RBFOX3: variants seen among roughly 807,000 people sequenced by gnomAD.
RBFOX3 encodes the protein RNA binding protein fox-1 homolog 3.
A neutral mutation model predicts 48.7 loss-of-function variants in RBFOX3; 17 were observed. The observed-to-expected ratio is 0.35, with a 90% CI of 0.24 to 0.52. The LOEUF is 0.52. Ranked by LOEUF, RBFOX3 falls within the 20% of genes least tolerant of loss-of-function variation. The pLI, the probability that RBFOX3 is intolerant of heterozygous loss-of-function variation, is 0.94. For missense variants in RBFOX3, 382 were observed against 497.5 expected (o/e 0.77, Z 2.21); for synonymous variants, 212 against 209.5 (o/e 1.01, Z -0.10).
intron 2 of RBFOX3, among the ~76,000 whole-genome samples, chr17:79,476,826 GAGAC>G (rs1393613884): frequency 2.6e-5 from 4 of 151,582 alleles, no homozygotes; most frequent in African/African-American, 9.7e-5. Flanking sequence ...GGGACAGAGA[GAGAC>G]AGACAGAGAC....
At chr17:79,592,288 ATTG>A (rs2093444951) in intron 1 of RBFOX3, among the ~76,000 whole-genome samples, 2 of 147,274 alleles carry the variant, frequency 1.4e-5, no homozygotes, top group South Asian at 2.1e-4. Context: ...GGTGTGGAAT[ATTG>A]TTGTGTGTGC....
intron 2 of RBFOX3, among the ~76,000 whole-genome samples, chr17:79,313,402 T>A (rs1411183992): frequency 2.6e-5 from 4 of 152,162 alleles, no homozygotes; most frequent in African/African-American, 9.7e-5. Context: ...CTTCACTCAC[T>A]CATTCATGTA....
At chr17:79,579,183 C>T (rs1278897482) in intron 1 of RBFOX3, among the ~76,000 whole-genome samples, 2 of 152,228 alleles carry the variant, frequency 1.3e-5, no homozygotes, top group Non-Finnish European at 2.9e-5. Flanking sequence ...TCTGGTCCTG[C>T]CCTGTGGGGA....
intron 1 of RBFOX3, among the ~76,000 whole-genome samples, chr17:79,507,829 C>G (rs2083397450): frequency 6.6e-6 from 1 of 152,230 alleles, no homozygotes; most frequent in South Asian, 2.1e-4. Context: ...TGAGGTTGCA[C>G]AGAGCAGGCC....
intron 2 of RBFOX3, among the ~76,000 whole-genome samples, chr17:79,353,467 A>T (rs549571200): frequency 4.1e-4 from 63 of 152,278 alleles, no homozygotes; most frequent in African/African-American, 1.5e-3. Flanking sequence ...GCAAAAAGAG[A>T]CTCATCTAAC....
intron 1 of RBFOX3, among the ~76,000 whole-genome samples, chr17:79,513,115 A>T (rs979213386): frequency 6.6e-6 from 1 of 151,384 alleles, no homozygotes; most frequent in East Asian, 1.9e-4. Context: ...ACCAGGGGAC[A>T]CACACCCAGA....
chr17:79,182,034 A>G (rs2052099813), intron 4 of RBFOX3, among the ~76,000 whole-genome samples: 1 of 151,064 alleles, frequency 6.6e-6, no homozygotes, highest in Non-Finnish European at 1.5e-5. Flanking sequence ...TTTCTCCTCC[A>G]ACGTGTGCAT....
chr17:79,097,978 T>C (rs1177325262), intron 9 of RBFOX3: 2 of 564,782 alleles, frequency 3.5e-6, no homozygotes, highest in African/African-American at 3.8e-5. Flanking sequence ...TCTTTCCCAA[T>C]TGTGATCCTC....
chr17:79,584,624 G>A (rs1385626898), intron 1 of RBFOX3, among the ~76,000 whole-genome samples: 2 of 152,158 alleles, frequency 1.3e-5, no homozygotes, highest in Non-Finnish European at 1.5e-5. Flanking sequence ...TCACAGCGAC[G>A]TGGATGGAAC....
chr17:79,514,371 G>T (rs897362398), intron 1 of RBFOX3, among the ~76,000 whole-genome samples: 3 of 152,178 alleles, frequency 2.0e-5, no homozygotes, highest in Non-Finnish European at 4.4e-5. Context: ...GCCCAGCACT[G>T]GTCCAAGCAG....
chr17:79,413,308 A>G (rs892167701), intron 2 of RBFOX3, among the ~76,000 whole-genome samples: 1 of 152,192 alleles, frequency 6.6e-6, no homozygotes, highest in Admixed American at 6.5e-5. Flanking sequence ...TTAGACTCCA[A>G]ATTATCCCAA....
At chr17:79,267,063 T>C (rs2066831325) in intron 3 of RBFOX3, among the ~76,000 whole-genome samples, 1 of 152,158 alleles carries the variant, frequency 6.6e-6, no homozygotes, top group South Asian at 2.1e-4. Context: ...GGAGCTGGCT[T>C]GGAAGTTAGG....
chr17:79,202,251 A>C (rs1381520557), intron 4 of RBFOX3, among the ~76,000 whole-genome samples: 2 of 152,084 alleles, frequency 1.3e-5, no homozygotes, highest in Non-Finnish European at 2.9e-5. Flanking sequence ...CCTCTTATCC[A>C]CAGCAAAACG....
At position 79,482,187 on chromosome 17, in the gene RBFOX3, C is replaced by T. The variant is rs1224486945; in HGVS notation, c.-175+267G>A. On this transcript the variant is annotated intron_variant, in intron 2 of 14. Transcript: ENST00000693108. This position sits in a 1 kb window ranked among gnomAD's most constrained non-coding sequence, Gnocchi z 4.1. ...CACCCCGCCCACCCTCCTTCCAGGA[C>T]TAACTGCCCCGCAGCCAGGCTGATG... Among the ~76,000 whole-genome samples the T allele has an allele frequency of 6.6e-6, 1 of 151,912 alleles. No homozygotes were observed. The highest frequency in any genetic ancestry group is 1.5e-5 in the Non-Finnish European group (1 of 67,974).
chr17:79,168,319 C>T (rs2048440938), intron 4 of RBFOX3, among the ~76,000 whole-genome samples: 1 of 152,264 alleles, frequency 6.6e-6, no homozygotes, highest in Non-Finnish European at 1.5e-5. Flanking sequence ...CCACCACCAA[C>T]TCATGAATAG....
intron 3 of RBFOX3, among the ~76,000 whole-genome samples, chr17:79,271,740 G>A (rs1485918198): frequency 8.2e-6 from 1 of 122,680 alleles, no homozygotes; most frequent in Non-Finnish European, 1.8e-5. Flanking sequence ...ATTAAAGACA[G>A]TAAGGACACT....
At position 79,318,854 on chromosome 17, in the gene RBFOX3, CAAAAAAAA is replaced by C. The variant is rs71161660; in HGVS notation, c.-174-11038_-174-11031del. The stretch of plus-strand genomic sequence containing the variant: ...TGGGTGACAGAGCGAGACTCCATCT[CAAAAAAAA>C]AAAAAAAAAAAAAAAAAAGGGATGG... On this transcript the variant is annotated intron_variant, in intron 2 of 14. Transcript: ENST00000693108. Among the ~76,000 whole-genome samples, 12 of 32,522 alleles carry C rather than the reference CAAAAAAAA, an allele frequency of 3.7e-4. No homozygotes were observed. In the South Asian group the frequency reaches 7.1e-3, roughly 19 times the overall value. 21.3% of individuals were successfully genotyped at this position (32,522 alleles called of 152,430 possible).
At chr17:79,626,601 G>C in the RBFOX3 span, among the ~76,000 whole-genome samples, 1 of 152,216 alleles carries the variant, frequency 6.6e-6, no homozygotes, top group Non-Finnish European at 1.5e-5. Context: ...CCAGGATAAA[G>C]ACCACGCCTC....
chr17:79,277,528 C>T (rs905212299), intron 3 of RBFOX3, among the ~76,000 whole-genome samples: 7 of 152,206 alleles, frequency 4.6e-5, no homozygotes, highest in African/African-American at 1.7e-4. Flanking sequence ...TAAATTAACC[C>T]GCAGCCCAAT....
Sources: gnomAD v4.1 joint callset for allele counts (sites outside exome capture counted in the v4.1 genomes callset) on GRCh38, gnomAD v4.1.1 for gene constraint, Gnocchi (gnomAD v3.1) non-coding constraint, MANE v1.5 for transcripts, NCBI Gene and HGNC (gene_info 2026-07-23, HGNC 2026-07-21) for gene names.